Variants in VWA5B1 observed in about 807,000 individuals in gnomAD.
VWA5B1 encodes von Willebrand factor A domain containing 5B1.
VWA5B1 carries 115 observed loss-of-function variants against 118.2 expected under a neutral mutation model. The observed-to-expected ratio is 0.97, with a 90% CI of 0.84 to 1.14. VWA5B1 has a LOEUF of 1.14. Among genes scored for constraint, VWA5B1 ranks in the 50% most tolerant of loss-of-function variants. VWA5B1 has a pLI of 0.00. For missense variants in VWA5B1, 1,596 were observed against 1,603.8 expected (o/e 1.00, Z 0.08); for synonymous variants, 682 against 658.4 (o/e 1.04, Z -0.55).
chr1:20,324,972 G>A (rs911379774), intron 8 of VWA5B1, among the ~76,000 whole-genome samples: 8 of 152,188 alleles, frequency 5.3e-5, no homozygotes, highest in African/African-American at 1.9e-4. Flanking sequence ...TCTGTATCCC[G>A]TTCCGCATCT....
intron 1 of VWA5B1, among the ~76,000 whole-genome samples, chr1:20,301,960 C>G (rs1415927780): frequency 6.6e-6 from 1 of 152,206 alleles, no homozygotes; most frequent in Non-Finnish European, 1.5e-5. Context: ...AAACCACTTC[C>G]TCGTTGATCT....
At chr1:20,322,626 A>G (rs1354910645) in intron 7 of VWA5B1, among the ~76,000 whole-genome samples, 1 of 152,154 alleles carries the variant, frequency 6.6e-6, no homozygotes, top group Admixed American at 6.5e-5. Flanking sequence ...GGAGCAAAAA[A>G]CTATTCGGTG....
intron 4 of VWA5B1, among the ~76,000 whole-genome samples, chr1:20,317,012 C>T (rs990163365): frequency 4.6e-5 from 7 of 151,804 alleles, no homozygotes; most frequent in Non-Finnish European, 7.4e-5. Context: ...AAAAATGAGC[C>T]GTGCGTAGTG....
chr1:20,291,492 C>T (rs975923990), intron 1 of VWA5B1, among the ~76,000 whole-genome samples: 23 of 135,696 alleles, frequency 1.7e-4, no homozygotes, highest in Admixed American at 1.5e-3. Flanking sequence ...TGTGAGTCTG[C>T]GTCTCCTTCT....
At chr1:20,335,221 G>A (rs952106014) in intron 12 of VWA5B1, among the ~76,000 whole-genome samples, 4 of 152,160 alleles carry the variant, frequency 2.6e-5, no homozygotes, top group African/African-American at 4.8e-5. Flanking sequence ...AAGCTGAGGC[G>A]GGAGGATTGC....
intron 20 of VWA5B1, 134 bp from the exon 21 acceptor site, chr1:20,351,921 C>T (rs2090138027): frequency 3.2e-6 from 2 of 631,912 alleles, no homozygotes; most frequent in Admixed American, 3.2e-5. Flanking sequence ...TTCCAGGCTT[C>T]TGCTTCCTTA....
rs2090193947 is a variant in VWA5B1, at chr1:20,354,454, G to A, written c.*191G>A. On this transcript the variant is annotated 3_prime_UTR_variant, in exon 22 of 22. Transcript: ENST00000289815. Reference sequence around the variant, plus strand: ...CTACCATCCAGCCATGCAACTTTAGGCCAGTGCCTGCCCCCGTCTGGGCCT... The same window carrying A: ...CTACCATCCAGCCATGCAACTTTAGACCAGTGCCTGCCCCCGTCTGGGCCT... The A allele has an allele frequency of 1.5e-6, 1 of 671,638 alleles. No homozygotes were observed. The highest frequency in any genetic ancestry group is 2.5e-6 in the Non-Finnish European group (1 of 407,960). 41.6% of individuals were successfully genotyped at this position (671,638 alleles called of 1,614,324 possible).
rs1012607492 is a variant in VWA5B1 at position 20,318,706 on chromosome 1, C to T, written c.826C>T (p.Leu276Phe). The change falls in exon 6 of 22, where the codon CTC (leucine) becomes TTC (phenylalanine). Residue 276 changes from leucine to phenylalanine, a missense_variant. By Grantham distance (22) the Leu-to-Phe change is conservative. Coordinates refer to ENST00000289815, the MANE Select transcript of VWA5B1 (RefSeq NM_001039500.3). ...CACCTTTGACCGGCCTGTGGAGATC[C>T]TCATCCACCCCAGCGGTACGGTGCC... ...KHTFDRPVEI[L>F]IHPSEPHMPH... 54 of 1,510,132 alleles carry T rather than the reference C, an allele frequency of 3.6e-5. No homozygotes were observed. Among genetic ancestry groups the T allele is most frequent in the Non-Finnish European group, 3.8e-5 (43 of 1,123,130 alleles). The allele number at this position is 1,510,132 out of a possible 1,614,324, so 93.5% of individuals were successfully genotyped here. A position where few individuals can be genotyped will look rare whatever the true frequency, so the allele number is the denominator to read the frequency against.
chr1:20,327,471 C>A (rs959379092), intron 8 of VWA5B1, among the ~76,000 whole-genome samples: 2 of 152,138 alleles, frequency 1.3e-5, no homozygotes, highest in Admixed American at 1.3e-4. Context: ...TGACCTGGAC[C>A]AGGCCACTTT....
At chr1:20,303,848 A>G (rs916826538) in intron 1 of VWA5B1, among the ~76,000 whole-genome samples, 3 of 152,224 alleles carry the variant, frequency 2.0e-5, no homozygotes, top group Non-Finnish European at 4.4e-5. Flanking sequence ...GCAGGGCCCC[A>G]GCAATCTCTT....
intron 1 of VWA5B1, among the ~76,000 whole-genome samples, chr1:20,291,560 G>A (rs1250061328): frequency 2.0e-5 from 3 of 150,838 alleles, no homozygotes; most frequent in African/African-American, 2.4e-5. Context: ...TCAACCTTCC[G>A]TCCCTGCCAC....
Position 20,307,971 on chromosome 1 carries a change from G to A in VWA5B1, c.-26-2605G>A, listed in dbSNP as rs373388420. On this transcript the variant is annotated intron_variant, in intron 1 of 21. Transcript: ENST00000289815. Reference sequence around the variant, plus strand: ...TGAGTTTTGGGGTGCCACTGATCCCGTCACCCAGGTAGTTAGCACAATACC... The same window carrying A: ...TGAGTTTTGGGGTGCCACTGATCCCATCACCCAGGTAGTTAGCACAATACC... Among the ~76,000 whole-genome samples, 26 of 151,974 alleles carry A rather than the reference G, an allele frequency of 1.7e-4. 1 individual carries two copies. The South Asian group carries it at 3.5e-3, about 21-fold the overall frequency.
chr1:20,334,768 G>T (rs535834727), intron 12 of VWA5B1, among the ~76,000 whole-genome samples: 1 of 152,246 alleles, frequency 6.6e-6, no homozygotes, highest in African/African-American at 2.4e-5. Context: ...CCAAGATCAT[G>T]CCACTGCACT....
chr1:20,312,054 C>T (rs1283676673), intron 2 of VWA5B1, among the ~76,000 whole-genome samples: 1 of 152,120 alleles, frequency 6.6e-6, no homozygotes, highest in Admixed American at 6.5e-5. Flanking sequence ...TTGTGAGGGG[C>T]TCACCCTGGA....
chr1:20,297,402 C>T (rs2088424806), intron 1 of VWA5B1, among the ~76,000 whole-genome samples: 1 of 152,200 alleles, frequency 6.6e-6, no homozygotes, highest in Non-Finnish European at 1.5e-5. Flanking sequence ...TTGAAAGCTT[C>T]CACCTGGAAG....
intron 1 of VWA5B1, among the ~76,000 whole-genome samples, chr1:20,305,045 A>G (rs997513674): frequency 6.6e-6 from 1 of 152,226 alleles, no homozygotes; most frequent in African/African-American, 2.4e-5. Context: ...TGAATAAACT[A>G]AAACAAAATC....
At chr1:20,324,629 G>A (rs1293579940) in intron 8 of VWA5B1, among the ~76,000 whole-genome samples, 1 of 152,124 alleles carries the variant, frequency 6.6e-6, no homozygotes, top group Non-Finnish European at 1.5e-5. Flanking sequence ...GAACAGAGTG[G>A]GGCTCTGCCG....
intron 1 of VWA5B1, among the ~76,000 whole-genome samples, chr1:20,298,442 C>T (rs995052364): frequency 6.6e-6 from 1 of 152,112 alleles, no homozygotes; most frequent in Non-Finnish European, 1.5e-5. Flanking sequence ...AGATTCCTTA[C>T]AAGCCTATCA....
chr1:20,313,071 A>T (rs1423912844), intron 3 of VWA5B1, 83 bp downstream of exon 3: 2 of 1,494,132 alleles, frequency 1.3e-6, no homozygotes, highest in Non-Finnish European at 9.0e-7. Context: ...GCCAACTGCA[A>T]GGATAGCAGT....
Sources: allele counts gnomAD v4.1 joint callset (sites outside exome capture counted in the v4.1 genomes callset), GRCh38; gene constraint gnomAD v4.1.1; transcripts MANE v1.5; gene names NCBI Gene and HGNC (gene_info 2026-07-23, HGNC 2026-07-21).